Variants in CSGALNACT1 observed in about 807,000 individuals in gnomAD.
The protein encoded by CSGALNACT1 is beta4GalNAcT-1.
In CSGALNACT1, 52 loss-of-function variants were observed where a neutral mutation model predicts 51.0. That is an observed-to-expected ratio of 1.02 (90% CI 0.82 to 1.29). The LOEUF (loss-of-function observed/expected upper bound fraction) is 1.29, where lower values mean the gene tolerates loss of function less well. Among genes scored for constraint, CSGALNACT1 ranks in the 50% most tolerant of loss-of-function variants. The pLI, the probability that CSGALNACT1 is intolerant of heterozygous loss-of-function variation, is 0.00. For synonymous variants in CSGALNACT1, 341 were observed against 254.4 expected, an observed-to-expected ratio of 1.34 and a Z score of -3.24; for missense variants, 935 against 679.2, an observed-to-expected ratio of 1.38 and a Z score of -4.19.
At position 19,454,288 on chromosome 8, in the gene CSGALNACT1, G is replaced by A. The variant is rs369352005; in HGVS notation, c.851+4138C>T. Among the ~76,000 whole-genome samples, 29 of 152,346 alleles carry A rather than the reference G, an allele frequency of 1.9e-4. 1 individual carries two copies. In the East Asian group the frequency reaches 2.7e-3, roughly 14 times the overall value. Reference sequence around the variant, plus strand: ...GGAAAGCTATTGGAAGAGGACTGCTGATGAATACATTAAATCCACTTAAAT... The same window carrying A: ...GGAAAGCTATTGGAAGAGGACTGCTAATGAATACATTAAATCCACTTAAAT... On this transcript the variant is annotated intron_variant, in intron 5 of 9. Coordinates refer to ENST00000454498, the Ensembl canonical transcript of CSGALNACT1.
intron 3 of CSGALNACT1, among the ~76,000 whole-genome samples, chr8:19,542,721 C>A (rs946493226): frequency 2.0e-5 from 3 of 152,096 alleles, no homozygotes; most frequent in Admixed American, 6.5e-5. Context: ...TTTATTAATT[C>A]ATCTATCCAA....
chr8:19,465,782 CA>C (rs1383376503), intron 4 of CSGALNACT1, among the ~76,000 whole-genome samples: 1 of 152,184 alleles, frequency 6.6e-6, no homozygotes, highest in East Asian at 1.9e-4. Flanking sequence ...CACAGATGAG[CA>C]AAATGAGACC....
intron 3 of CSGALNACT1, among the ~76,000 whole-genome samples, chr8:19,574,505 C>A (rs373544403): frequency 1.1e-4 from 16 of 152,306 alleles, no homozygotes; most frequent in East Asian, 3.9e-4. Flanking sequence ...TACATAGCCT[C>A]ATTTTGCACA....
chr8:19,650,588 G>C (rs946254178), intron 1 of CSGALNACT1, among the ~76,000 whole-genome samples: 7 of 152,148 alleles, frequency 4.6e-5, no homozygotes, highest in Non-Finnish European at 1.0e-4. Context: ...GGTCAACGTG[G>C]TCCTGGTTCC....
At chr8:19,720,881 G>T (rs980391846) in intron 1 of CSGALNACT1, among the ~76,000 whole-genome samples, 6 of 152,190 alleles carry the variant, frequency 3.9e-5, no homozygotes, top group African/African-American at 1.4e-4. Flanking sequence ...CCAGATACCT[G>T]TCCCCAAGGG....
chr8:19,512,357 A>C (rs1467434399), intron 3 of CSGALNACT1, among the ~76,000 whole-genome samples: 1 of 152,194 alleles, frequency 6.6e-6, no homozygotes, highest in African/African-American at 2.4e-5. Flanking sequence ...GCTTGATTGC[A>C]ACCCTGAACG....
At chr8:19,713,671 T>G (rs1269904858) in intron 1 of CSGALNACT1, among the ~76,000 whole-genome samples, 2 of 152,054 alleles carry the variant, frequency 1.3e-5, no homozygotes, top group South Asian at 2.1e-4. Context: ...CACCAAAGAT[T>G]GCTGGCAAGC....
At chr8:19,689,576 G>A (rs761838554) in intron 1 of CSGALNACT1, among the ~76,000 whole-genome samples, 1 of 152,174 alleles carries the variant, frequency 6.6e-6, no homozygotes, top group Non-Finnish European at 1.5e-5. Context: ...TCTGGCTTCT[G>A]CTTAAAAATT....
At chr8:19,587,442 C>A (rs1302264502) in intron 3 of CSGALNACT1, among the ~76,000 whole-genome samples, 1 of 152,148 alleles carries the variant, frequency 6.6e-6, no homozygotes, top group Non-Finnish European at 1.5e-5. Flanking sequence ...CTGTGTCCCA[C>A]CCTCCCCCAC....
chr8:19,595,137 G>A (rs530697492), intron 2 of CSGALNACT1, among the ~76,000 whole-genome samples: 5 of 151,942 alleles, frequency 3.3e-5, no homozygotes, highest in South Asian at 4.2e-4. Context: ...AATAAAAATC[G>A]GCATTTTATT....
chr8:19,416,713 C>A (rs1247378960), intron 8 of CSGALNACT1, among the ~76,000 whole-genome samples: 3 of 152,206 alleles, frequency 2.0e-5, no homozygotes, highest in Non-Finnish European at 4.4e-5. Flanking sequence ...CTAGGAGCAA[C>A]AGCCTGTACC....
chr8:19,494,533 C>A (rs1259491502), intron 4 of CSGALNACT1, among the ~76,000 whole-genome samples: 1 of 152,178 alleles, frequency 6.6e-6, no homozygotes, highest in Non-Finnish European at 1.5e-5. Context: ...TATTGTCTAA[C>A]TCTGTCCATC....
intron 1 of CSGALNACT1, among the ~76,000 whole-genome samples, chr8:19,664,896 G>T (rs990871866): frequency 6.6e-6 from 1 of 152,198 alleles, no homozygotes; most frequent in Non-Finnish European, 1.5e-5. Context: ...ATGGGAGGAT[G>T]GGGGGTGAGA....
intron 1 of CSGALNACT1, among the ~76,000 whole-genome samples, chr8:19,666,222 C>T (rs543057810): frequency 5.3e-5 from 8 of 152,258 alleles, no homozygotes; most frequent in East Asian, 3.9e-4. Context: ...CAACTTTCAC[C>T]GTCAGACCTT....
At chr8:19,656,378 A>G (rs898293790) in intron 1 of CSGALNACT1, among the ~76,000 whole-genome samples, 1 of 152,162 alleles carries the variant, frequency 6.6e-6, no homozygotes, top group African/African-American at 2.4e-5. Context: ...AAAAACCTCA[A>G]GCCAAAAAAA....
chr8:19,556,052 C>T (rs1209075070), intron 3 of CSGALNACT1, among the ~76,000 whole-genome samples: 1 of 152,120 alleles, frequency 6.6e-6, no homozygotes, highest in East Asian at 1.9e-4. Flanking sequence ...ATGACAAGCG[C>T]AAGCAACATT....
chr8:19,499,230 C>G (rs917449824), intron 4 of CSGALNACT1, among the ~76,000 whole-genome samples: 3 of 152,226 alleles, frequency 2.0e-5, no homozygotes, highest in African/African-American at 4.8e-5. Context: ...GTAGATGCCC[C>G]TTTATTACAG....
chr8:19,472,221 A>G (rs1179223245), intron 4 of CSGALNACT1, among the ~76,000 whole-genome samples: 1 of 152,242 alleles, frequency 6.6e-6, no homozygotes, highest in Admixed American at 6.5e-5. Context: ...GCCAGTTTCC[A>G]AACAGCTGTA....
At chr8:19,722,336 A>G (rs1337407009) in intron 1 of CSGALNACT1, among the ~76,000 whole-genome samples, 1 of 152,196 alleles carries the variant, frequency 6.6e-6, no homozygotes, top group Non-Finnish European at 1.5e-5. Flanking sequence ...GCTTTTTGCA[A>G]TGTTTTATGA....
Sources: allele counts gnomAD v4.1 joint callset (sites outside exome capture counted in the v4.1 genomes callset), GRCh38; gene constraint gnomAD v4.1.1; transcripts MANE v1.5; gene names NCBI Gene and HGNC (gene_info 2026-07-23, HGNC 2026-07-21).